MAP2K4: variants seen among roughly 807,000 people sequenced by gnomAD.
MAP2K4 encodes dual specificity mitogen-activated protein kinase kinase 4.
A neutral mutation model predicts 48.5 loss-of-function variants in MAP2K4; 4 were observed. The observed-to-expected ratio is 0.08, with a 90% CI of 0.04 to 0.19. The LOEUF (loss-of-function observed/expected upper bound fraction) is 0.19. MAP2K4 is among the 10% of genes least tolerant of loss of function. The probability of loss-of-function intolerance (pLI) is 1.00; values close to 1 mark genes in which losing one functional copy is unlikely to be tolerated. For synonymous variants in MAP2K4, 166 were observed against 173.1 expected (o/e 0.96, Z 0.32); for missense variants, 258 against 493.3 (o/e 0.52, Z 4.52).
Position 12,142,113 on chromosome 17 carries a change from A to C in MAP2K4, c.*853A>C, listed in dbSNP as rs1973393806. Reference sequence around the variant, plus strand: ...CAAACCACCAGGACTGAAAGAAGAAAACAGTACAGAAGGCAAAGTTTACAG... The same window carrying C: ...CAAACCACCAGGACTGAAAGAAGAACACAGTACAGAAGGCAAAGTTTACAG... On this transcript the variant is annotated 3_prime_UTR_variant, in exon 11 of 11. Transcript: ENST00000353533. The C allele has an allele frequency of 4.3e-6, 1 of 233,430 alleles. No individual in the cohort carries two copies. The highest frequency in any genetic ancestry group is 2.2e-5 in the African/African-American group (1 of 45,334). The allele number at this position is 233,430 out of a possible 1,614,324, so 14.5% of individuals were successfully genotyped here.
chr17:12,052,823 G>A (rs927732683), intron 1 of MAP2K4, among the ~76,000 whole-genome samples: 1 of 152,146 alleles, frequency 6.6e-6, no homozygotes, highest in African/African-American at 2.4e-5. Context: ...ATAGGTTCAA[G>A]TTCCAGAGAT....
intron 2 of MAP2K4, among the ~76,000 whole-genome samples, chr17:12,056,180 T>C (rs772685428): frequency 6.6e-6 from 1 of 152,104 alleles, no homozygotes; most frequent in Non-Finnish European, 1.5e-5. Context: ...AGTTACTAGC[T>C]GAACCATATG....
chr17:12,106,080 T>C (rs1972100041), intron 4 of MAP2K4, among the ~76,000 whole-genome samples: 1 of 152,158 alleles, frequency 6.6e-6, no homozygotes, highest in South Asian at 2.1e-4. Flanking sequence ...GTAGGAGAGC[T>C]TGGATAATGT....
At chr17:12,116,938 C>T (rs965822356) in intron 7 of MAP2K4, among the ~76,000 whole-genome samples, 2 of 152,078 alleles carry the variant, frequency 1.3e-5, no homozygotes, top group Admixed American at 6.5e-5. Flanking sequence ...TCACCACGAG[C>T]GCGAGTAATG....
chr17:12,037,138 G>C (rs1969626296), intron 1 of MAP2K4, among the ~76,000 whole-genome samples: 3 of 152,118 alleles, frequency 2.0e-5, no homozygotes, highest in Non-Finnish European at 4.4e-5. Flanking sequence ...ATTGAAATTA[G>C]AGTACAGGTG....
At chr17:12,119,066 G>A (rs1332344424) in intron 7 of MAP2K4, among the ~76,000 whole-genome samples, 2 of 152,150 alleles carry the variant, frequency 1.3e-5, no homozygotes, top group Non-Finnish European at 2.9e-5. Context: ...ATTGACTAAT[G>A]ATGAAATAGC....
chr17:12,032,253 T>C (rs1597395202), intron 1 of MAP2K4: 10 of 1,413,150 alleles, frequency 7.1e-6, no homozygotes, highest in Non-Finnish European at 9.4e-6. Context: ...GGAACTTATC[T>C]TTTTTACTTT....
chr17:12,083,642 TTGCATTAATA>T (rs1356946428), intron 3 of MAP2K4, among the ~76,000 whole-genome samples: 3 of 152,262 alleles, frequency 2.0e-5, no homozygotes, highest in Non-Finnish European at 4.4e-5. Context: ...ATAAGTGTTT[TTGCATTAATA>T]TGCATTAAAA....
chr17:12,067,854 G>A (rs998089240), intron 2 of MAP2K4, among the ~76,000 whole-genome samples: 1 of 152,206 alleles, frequency 6.6e-6, no homozygotes, highest in Non-Finnish European at 1.5e-5. Flanking sequence ...CATGAAGCTT[G>A]AGATTTAGAG....
At chr17:12,053,963 A>G (rs2151525483) in intron 1 of MAP2K4, among the ~76,000 whole-genome samples, 1 of 152,304 alleles carries the variant, frequency 6.6e-6, no homozygotes, top group African/African-American at 2.4e-5. Flanking sequence ...CTCTAAGGTG[A>G]ATGTGAAACC....
At chr17:12,090,232 A>G (rs760399061) in intron 3 of MAP2K4, among the ~76,000 whole-genome samples, 2 of 152,180 alleles carry the variant, frequency 1.3e-5, no homozygotes, top group Non-Finnish European at 2.9e-5. Context: ...ACTTGGTAGG[A>G]AGGAAAACTG....
intron 2 of MAP2K4, among the ~76,000 whole-genome samples, chr17:12,070,537 CAT>C (rs1247879978): frequency 6.6e-6 from 1 of 152,008 alleles, no homozygotes; most frequent in African/African-American, 2.4e-5. Flanking sequence ...AGGTGCTTAT[CAT>C]ATAGAGCATA....
chr17:12,046,066 A>G (rs925224260), intron 1 of MAP2K4, among the ~76,000 whole-genome samples: 1 of 152,214 alleles, frequency 6.6e-6, no homozygotes, highest in African/African-American at 2.4e-5. Flanking sequence ...CAGTGCAGGT[A>G]TGTAGCAGAT....
intron 2 of MAP2K4, among the ~76,000 whole-genome samples, chr17:12,066,850 C>T (rs1054958992): frequency 1.2e-4 from 18 of 152,222 alleles, no homozygotes; most frequent in South Asian, 4.1e-4. Context: ...CCACTGCGCC[C>T]GGCTAATTTT....
intron 2 of MAP2K4, among the ~76,000 whole-genome samples, chr17:12,076,834 C>G (rs534560256): frequency 6.0e-5 from 9 of 149,806 alleles, no homozygotes; most frequent in Non-Finnish European, 3.0e-5. Context: ...ACCAGAGTTA[C>G]GGATTTTTTG....
At chr17:12,065,656 G>T (rs536938639) in intron 2 of MAP2K4, among the ~76,000 whole-genome samples, 1 of 152,060 alleles carries the variant, frequency 6.6e-6, no homozygotes, top group Non-Finnish European at 1.5e-5. Flanking sequence ...GGCTTGTCTC[G>T]AACTCTTGAC....
chr17:12,021,698 G>A (rs1199559109), intron 1 of MAP2K4, among the ~76,000 whole-genome samples: 1 of 149,980 alleles, frequency 6.7e-6, no homozygotes, highest in African/African-American at 2.5e-5. Flanking sequence ...TTTTGTTCCA[G>A]GCCAGGGATT....
chr17:12,139,675 A>T (rs1222033036), intron 9 of MAP2K4, among the ~76,000 whole-genome samples, 164 bp from the exon 10 acceptor site: 1 of 152,118 alleles, frequency 6.6e-6, no homozygotes, highest in Non-Finnish European at 1.5e-5. Context: ...TAGACTCACA[A>T]TTTTTTGTAT....
intron 3 of MAP2K4, among the ~76,000 whole-genome samples, chr17:12,083,717 A>G (rs952544728): frequency 2.6e-5 from 4 of 152,240 alleles, no homozygotes; most frequent in Non-Finnish European, 5.9e-5. Flanking sequence ...GAATGCATTT[A>G]TTATTGGTTT....
Sources: allele counts gnomAD v4.1 joint callset (sites outside exome capture counted in the v4.1 genomes callset), GRCh38; gene constraint gnomAD v4.1.1; transcripts MANE v1.5; gene names NCBI Gene and HGNC (gene_info 2026-07-23, HGNC 2026-07-21).